The following CEP162 variants were observed in gnomAD, a reference collection of about 807,000 sequenced individuals.
CEP162 encodes the protein centrosomal protein 162.
In CEP162, 141 loss-of-function variants were observed where a neutral mutation model predicts 169.2. The ratio of observed to expected loss-of-function variants is 0.83; its 90% CI spans 0.73 to 0.96. The LOEUF (loss-of-function observed/expected upper bound fraction) is 0.96, where lower values mean the gene tolerates loss of function less well. Among genes scored for constraint, CEP162 ranks in the 40% least tolerant of loss-of-function variants. The pLI, the probability that CEP162 is intolerant of heterozygous loss-of-function variation, is 0.00. For missense variants in CEP162, 1,600 were observed against 1,587.2 expected (o/e 1.01, Z -0.14); for synonymous variants, 540 against 526.4 (o/e 1.03, Z -0.35).
At chr6:84,206,124 C>T (rs1451322996) in intron 6 of CEP162, among the ~76,000 whole-genome samples, 5 of 149,168 alleles carry the variant, frequency 3.4e-5, no homozygotes, top group Non-Finnish European at 7.4e-5. Flanking sequence ...GAATCAATAT[C>T]GTGAAAATGG....
At chr6:84,215,989 A>T in intron 3 of CEP162, 67 bp from the exon 4 acceptor site, 2 of 1,445,830 alleles carry the variant, frequency 1.4e-6, no homozygotes, top group South Asian at 1.5e-5. Context: ...CTATGACAAC[A>T]CAATAATAAT....
intron 6 of CEP162, among the ~76,000 whole-genome samples, chr6:84,206,817 C>T (rs1420323185): frequency 5.3e-5 from 8 of 152,180 alleles, no homozygotes; most frequent in Non-Finnish European, 1.2e-4. Context: ...TCACAACCTA[C>T]TCCTCTGACA....
rs1562014068 is a variant in CEP162 at position 84,149,689 on chromosome 6, G to T, written c.3644C>A (p.Thr1215Asn). 6.4e-7 allele frequency: 1 copy of T among 1,557,202 alleles called. No individual in the cohort carries two copies. Among genetic ancestry groups the T allele is most frequent in the Middle Eastern group, 1.7e-4 (1 of 5,846 alleles). ...ENSMRRVKED[T>N]AAHIASLKAS... is the part of the protein sequence containing the mutation. ...TTTGAGGGATGCAATGTGTGCTGCA[G>T]TATCTTCCTTGACCCTACAGAGCAA... Residue 1215 changes from threonine to asparagine, a missense_variant, in exon 24 of 27, where the codon ACT becomes AAT. Physicochemically the swap from Thr to Asn is moderately conservative, Grantham distance 65. Coordinates refer to ENST00000403245, the MANE Select transcript of CEP162 (RefSeq NM_014895.4).
At chr6:84,127,626 A>G (rs1018196290) in intron 25 of CEP162, among the ~76,000 whole-genome samples, 1 of 152,202 alleles carries the variant, frequency 6.6e-6, no homozygotes, top group African/African-American at 2.4e-5. Context: ...ATAAAGGCAT[A>G]GTCATACACA....
At chr6:84,201,676 G>T in intron 8 of CEP162, 61 bp downstream of exon 8, 1 of 816,488 alleles carries the variant, frequency 1.2e-6, no homozygotes, top group Non-Finnish European at 2.0e-6. Context: ...GAATTACTGA[G>T]ATGAAATTCT....
At chr6:84,161,938 CTTG>C in intron 19 of CEP162, 29 bp from the exon 20 acceptor site, 2 of 1,331,476 alleles carry the variant, frequency 1.5e-6, no homozygotes, top group Non-Finnish European at 2.1e-6. Flanking sequence ...CAATAACCTG[CTTG>C]TTGTTCTCCA....
chr6:84,145,260 A>G (rs2099518334), intron 25 of CEP162, among the ~76,000 whole-genome samples: 1 of 152,096 alleles, frequency 6.6e-6, no homozygotes, highest in Non-Finnish European at 1.5e-5. Flanking sequence ...TTGCAGGCAA[A>G]ATCTGATGGC....
At chr6:84,202,774 G>A (rs1466718744) in intron 7 of CEP162, among the ~76,000 whole-genome samples, 1 of 151,702 alleles carries the variant, frequency 6.6e-6, no homozygotes, top group African/African-American at 2.4e-5. Flanking sequence ...ATAAAATATT[G>A]TAATTGCCAT....
chr6:84,197,105 C>T (rs2099542469), intron 9 of CEP162, among the ~76,000 whole-genome samples: 1 of 152,036 alleles, frequency 6.6e-6, no homozygotes, highest in African/African-American at 2.4e-5. Context: ...GAAATGACTT[C>T]TATGGTAAAG....
chr6:84,137,946 T>C (rs1194776624), intron 25 of CEP162, among the ~76,000 whole-genome samples: 1 of 152,158 alleles, frequency 6.6e-6, no homozygotes, highest in Non-Finnish European at 1.5e-5. Context: ...TGCTTGAAAA[T>C]ATTTTAGGTA....
intron 25 of CEP162, among the ~76,000 whole-genome samples, chr6:84,137,374 C>T (rs1004648344): frequency 6.6e-6 from 1 of 150,400 alleles, no homozygotes; most frequent in East Asian, 1.9e-4. Flanking sequence ...TATGATCATT[C>T]CACTATCTGT....
intron 2 of CEP162, 38 bp from the exon 3 acceptor site, chr6:84,221,209 T>G: frequency 9.9e-7 from 1 of 1,008,268 alleles, no homozygotes. Flanking sequence ...GAAAATACAG[T>G]GTAAATTCAA....
intron 7 of CEP162, among the ~76,000 whole-genome samples, chr6:84,203,443 T>A (rs2099545461): frequency 6.6e-6 from 1 of 152,168 alleles, no homozygotes; most frequent in Admixed American, 6.5e-5. Context: ...TTTGCCAAAA[T>A]AAATCTTTTT....
At chr6:84,203,059 T>G (rs745862534) in intron 7 of CEP162, among the ~76,000 whole-genome samples, 17 of 152,180 alleles carry the variant, frequency 1.1e-4, no homozygotes, top group Non-Finnish European at 2.4e-4. Context: ...TAATAAATAG[T>G]AATAACACAT....
intron 24 of CEP162, among the ~76,000 whole-genome samples, chr6:84,148,027 C>G (rs1295250297): frequency 6.6e-6 from 1 of 152,114 alleles, no homozygotes; most frequent in African/African-American, 2.4e-5. Context: ...CATCATGATA[C>G]TACTTTTCCT....
rs59136779 is a variant in CEP162 at position 84,157,699 on chromosome 6, A to G, written c.2782-2189T>C. On this transcript the variant is annotated intron_variant, in intron 21 of 26. Transcript: ENST00000403245. Reference sequence around the variant, plus strand: ...AAAGAAATATGTCTTCAGACTTTCAATTAGTAATAACCAGTCCTCTTGAGT... The same window carrying G: ...AAAGAAATATGTCTTCAGACTTTCAGTTAGTAATAACCAGTCCTCTTGAGT... Among the ~76,000 whole-genome samples the G allele has an allele frequency of 6.3e-3, 966 of 152,296 alleles. 5 individuals are homozygous for G. Among genetic ancestry groups the G allele is most frequent in the African/African-American group, 0.022 (920 of 41,570 alleles).
chr6:84,159,723 C>G (rs2099524963), intron 21 of CEP162, among the ~76,000 whole-genome samples: 1 of 150,610 alleles, frequency 6.6e-6, no homozygotes, highest in Non-Finnish European at 1.5e-5. Context: ...CACCACCAAG[C>G]CCAGCTAAAA....
At chr6:84,169,052 TAAATGCACCTGATGAGATGTGAC>T (rs916797260) in intron 18 of CEP162, among the ~76,000 whole-genome samples, 13 of 152,162 alleles carry the variant, frequency 8.5e-5, no homozygotes, top group Non-Finnish European at 2.9e-5. Context: ...GGCTCTATGA[TAAATGCACCTGATGAGATGTGAC>T]AAATGCCTGA....
At chr6:84,159,561 T>C (rs1440899858) in intron 21 of CEP162, among the ~76,000 whole-genome samples, 1 of 63,686 alleles carries the variant, frequency 1.6e-5, no homozygotes, top group Non-Finnish European at 2.9e-5. Flanking sequence ...TTTTTTTTTT[T>C]TTTTTTTTTT....
Sources: gnomAD v4.1 joint callset for allele counts (sites outside exome capture counted in the v4.1 genomes callset) on GRCh38, gnomAD v4.1.1 for gene constraint, MANE v1.5 for transcripts, NCBI Gene and HGNC (gene_info 2026-07-23, HGNC 2026-07-21) for gene names.